Variants in PAK3 observed in about 807,000 individuals in gnomAD.
PAK3 encodes the protein serine/threonine-protein kinase PAK 3.
A neutral mutation model predicts 41.0 loss-of-function variants in PAK3; 4 were observed. The ratio of observed to expected loss-of-function variants is 0.10; its 90% CI spans 0.05 to 0.22. The LOEUF (loss-of-function observed/expected upper bound fraction) is 0.22, where lower values mean the gene tolerates loss of function less well. PAK3 is among the 10% of genes least tolerant of loss of function. The probability of loss-of-function intolerance (pLI) is 1.00; values close to 1 mark genes in which losing one functional copy is unlikely to be tolerated. For missense variants in PAK3, 205 were observed against 409.9 expected (o/e 0.50, Z 4.32); for synonymous variants, 146 against 139.6 (o/e 1.05, Z -0.32).
chrX:110,969,199 T>C (rs1342307378), intron 1 of PAK3, among the ~76,000 whole-genome samples: 1 of 94,721 alleles, frequency 1.1e-5, no homozygotes, highest in Non-Finnish European at 2.1e-5. Context: ...CTGCCCACAT[T>C]GAGGTATGAG....
At chrX:111,098,679 G>A (rs2093057633) in intron 3 of PAK3, 1 of 110,340 alleles carries the variant, frequency 9.1e-6, no homozygotes, top group African/African-American at 3.3e-5. Flanking sequence ...GTGCCTCAAA[G>A]GGAAGTGGAG....
chrX:110,986,403 G>C (rs960077930), intron 1 of PAK3, among the ~76,000 whole-genome samples: 4 of 111,788 alleles, frequency 3.6e-5, no homozygotes, highest in Non-Finnish European at 5.6e-5. Context: ...TGTGCATAAA[G>C]AGAATGAAAA....
intron 5 of PAK3, among the ~76,000 whole-genome samples, chrX:111,128,607 TACTC>T (rs1204654652): frequency 2.7e-5 from 3 of 111,710 alleles, no homozygotes; most frequent in Non-Finnish European, 5.7e-5. Context: ...ACCCTATGCT[TACTC>T]TACTATATCA....
intron 4 of PAK3, among the ~76,000 whole-genome samples, chrX:111,106,422 A>G (rs916483369): frequency 1.8e-5 from 2 of 111,547 alleles, no homozygotes; most frequent in Middle Eastern, 4.2e-3. Flanking sequence ...TCTCACTTAC[A>G]TTGATACACT....
At chrX:110,969,319 T>A (rs1276712657) in intron 1 of PAK3, among the ~76,000 whole-genome samples, 1 of 105,112 alleles carries the variant, frequency 9.5e-6, no homozygotes, top group Non-Finnish European at 1.9e-5. Context: ...AGTCTCACTC[T>A]GTCATCCAGG....
chrX:110,978,355 T>C (rs759709273), intron 1 of PAK3, among the ~76,000 whole-genome samples: 2 of 111,351 alleles, frequency 1.8e-5, no homozygotes, highest in South Asian at 7.7e-4. Flanking sequence ...CTCCTAGTTT[T>C]CTGAGAGGTA....
At chrX:110,967,761 A>G (rs1167448123) in intron 1 of PAK3, among the ~76,000 whole-genome samples, 1 of 112,133 alleles carries the variant, frequency 8.9e-6, no homozygotes, top group Non-Finnish European at 1.9e-5. Flanking sequence ...GGTGTTACAA[A>G]GGGGTCTCTG....
chrX:111,078,519 A>T (rs1395598948), intron 1 of PAK3, among the ~76,000 whole-genome samples: 2 of 110,845 alleles, frequency 1.8e-5, no homozygotes, highest in African/African-American at 6.6e-5. Flanking sequence ...TAATCAAGAA[A>T]TGTTGTGTAT....
chrX:111,198,524 A>G (rs763455488), intron 16 of PAK3, among the ~76,000 whole-genome samples: 1 of 112,167 alleles, frequency 8.9e-6, no homozygotes. Flanking sequence ...GAAAGGATCC[A>G]ATTTCAATCT....
intron 7 of PAK3, among the ~76,000 whole-genome samples, chrX:111,148,175 A>G (rs1375892054): frequency 8.0e-5 from 9 of 112,002 alleles, no homozygotes; most frequent in Non-Finnish European, 1.7e-4. Context: ...AAAGACACTC[A>G]GTCACTTACT....
chrX:111,194,399 T>G lies in PAK3; in HGVS notation c.1091T>G (p.Ile364Arg). 1 of 1,127,804 alleles carries G rather than the reference T, an allele frequency of 8.9e-7. No individual in the cohort carries two copies. Among genetic ancestry groups the G allele is most frequent in the Non-Finnish European group, 1.2e-6 (1 of 818,852 alleles). 92.9% of individuals were successfully genotyped at this position (1,127,804 alleles called of 1,213,427 possible). A position where few individuals can be genotyped will look rare whatever the true frequency, so the allele number is the denominator to read the frequency against. ...VTETCMDEGQIAAVCRECLQA... is the reference protein window; with the variant it reads ...VTETCMDEGQRAAVCRECLQA... Reference sequence around the variant, plus strand: ...GAGACCTGTATGGATGAAGGACAGATAGCAGCTGTCTGCAGAGAGGTAAGC... The same window carrying G: ...GAGACCTGTATGGATGAAGGACAGAGAGCAGCTGTCTGCAGAGAGGTAAGC... Residue 364 changes from isoleucine to arginine, a missense_variant, in exon 14 of 18, where the codon ATA (isoleucine) becomes AGA (arginine). Ile to Arg is a moderately conservative substitution (Grantham distance 97). Transcript: ENST00000372007.
intron 14 of PAK3, among the ~76,000 whole-genome samples, chrX:111,194,714 T>C (rs1209158231): frequency 8.9e-6 from 1 of 112,268 alleles, no homozygotes; most frequent in Non-Finnish European, 1.9e-5. Context: ...TGGGAAACAG[T>C]GATATTGGCA....
intron 1 of PAK3, among the ~76,000 whole-genome samples, chrX:111,024,657 T>A (rs1321780759): frequency 1.8e-5 from 2 of 110,810 alleles, no homozygotes; most frequent in African/African-American, 6.6e-5. Flanking sequence ...ATTAAACAAC[T>A]ACTAGACTTA....
intron 1 of PAK3, among the ~76,000 whole-genome samples, chrX:111,086,109 A>C (rs1288936766): frequency 1.2e-5 from 1 of 82,421 alleles, no homozygotes; most frequent in Non-Finnish European, 2.3e-5. Flanking sequence ...ACATGTGTGC[A>C]CTGGGCAGGG....
At chrX:111,176,707 G>C (rs1217437904) in intron 11 of PAK3, among the ~76,000 whole-genome samples, 3 of 109,689 alleles carry the variant, frequency 2.7e-5, no homozygotes, top group Non-Finnish European at 5.7e-5. Flanking sequence ...GGGTATTTGT[G>C]TGTGCTGCAT....
At chrX:111,056,782 GT>G (rs1290853188) in intron 1 of PAK3, among the ~76,000 whole-genome samples, 1 of 111,622 alleles carries the variant, frequency 9.0e-6, no homozygotes, top group Non-Finnish European at 1.9e-5. Flanking sequence ...TGTTTCCAAT[GT>G]TTTGCTATTA....
At chrX:111,008,710 A>G (rs1284297264) in intron 1 of PAK3, among the ~76,000 whole-genome samples, 1 of 112,598 alleles carries the variant, frequency 8.9e-6, no homozygotes, top group Non-Finnish European at 1.9e-5. Context: ...GGGTGTGATA[A>G]TAATTCCTAC....
chrX:111,162,348 G>T (rs1353404416), intron 8 of PAK3, among the ~76,000 whole-genome samples: 3 of 111,962 alleles, frequency 2.7e-5, no homozygotes, highest in Non-Finnish European at 5.6e-5. Flanking sequence ...TGGATGAGTA[G>T]TTCTTAGATC....
chrX:111,220,055 G>T (rs1343189950), intron 17 of PAK3, among the ~76,000 whole-genome samples: 1 of 111,129 alleles, frequency 9.0e-6, no homozygotes, highest in African/African-American at 3.3e-5. Context: ...TTCCAAGCAT[G>T]ACAGCTTCTC....
Sources: allele counts gnomAD v4.1 joint callset (sites outside exome capture counted in the v4.1 genomes callset), GRCh38; gene constraint gnomAD v4.1.1; transcripts MANE v1.5; gene names NCBI Gene and HGNC (gene_info 2026-07-23, HGNC 2026-07-21).